Variants in MACROH2A2 observed in about 807,000 individuals in gnomAD.
MACROH2A2 encodes the protein core histone macro-H2A.2.
MACROH2A2 carries 6 observed loss-of-function variants against 37.6 expected under a neutral mutation model. The ratio of observed to expected loss-of-function variants is 0.16; its 90% confidence interval spans 0.09 to 0.32. MACROH2A2 has a LOEUF of 0.32. Among genes scored for constraint, MACROH2A2 ranks in the 10% least tolerant of loss-of-function variants. The pLI is 1.00. For synonymous variants in MACROH2A2, 192 were observed against 202.7 expected (o/e 0.95, Z 0.45); for missense variants, 290 against 485.9 (o/e 0.60, Z 3.79).
intron 2 of MACROH2A2, among the ~76,000 whole-genome samples, chr10:70,088,142 T>TCA (rs141228845): frequency 6.7e-6 from 1 of 149,210 alleles, no homozygotes; most frequent in African/African-American, 2.5e-5. Flanking sequence ...GCCTGCACAC[T>TCA]CACACACACA....
intron 2 of MACROH2A2, among the ~76,000 whole-genome samples, chr10:70,086,860 T>G (rs2072215005): frequency 6.6e-6 from 1 of 152,122 alleles, no homozygotes; most frequent in Admixed American, 6.5e-5. Context: ...CCCTTCACTG[T>G]GCACAATGGA....
intron 8 of MACROH2A2, among the ~76,000 whole-genome samples, chr10:70,109,970 T>C (rs2072360504): frequency 6.6e-6 from 1 of 152,174 alleles, no homozygotes; most frequent in Non-Finnish European, 1.5e-5. Context: ...CTTTATAATA[T>C]AGCTATGGTT....
chr10:70,102,609 T>C (rs2072313173), intron 7 of MACROH2A2, among the ~76,000 whole-genome samples: 1 of 151,724 alleles, frequency 6.6e-6, no homozygotes, highest in Admixed American at 6.6e-5. Context: ...CCCAAGCTAC[T>C]CAGAGGCTGA....
chr10:70,066,935 TTTG>T (rs756642970), intron 1 of MACROH2A2, among the ~76,000 whole-genome samples: 17 of 152,164 alleles, frequency 1.1e-4, no homozygotes, highest in Non-Finnish European at 2.4e-4. Flanking sequence ...GTTTGTGCTT[TTTG>T]TTGGTGATTT....
chr10:70,058,395 T>C (rs2072029591), intron 1 of MACROH2A2, among the ~76,000 whole-genome samples: 2 of 152,220 alleles, frequency 1.3e-5, no homozygotes, highest in Non-Finnish European at 2.9e-5. Flanking sequence ...TTACTCCAAC[T>C]GATTCTGAGA....
chr10:70,087,219 A>G (rs2072217074), intron 2 of MACROH2A2, among the ~76,000 whole-genome samples: 2 of 144,986 alleles, frequency 1.4e-5, no homozygotes, highest in South Asian at 2.2e-4. Flanking sequence ...TTATAATTCC[A>G]TTTTCTTTTC....
intron 1 of MACROH2A2, among the ~76,000 whole-genome samples, chr10:70,056,005 T>C (rs1205495777): frequency 6.6e-6 from 1 of 152,184 alleles, no homozygotes; most frequent in Admixed American, 6.5e-5. Context: ...AGATGTACTA[T>C]TAATGAAAAA....
intron 1 of MACROH2A2, among the ~76,000 whole-genome samples, chr10:70,074,673 A>C (rs2072130376): frequency 6.6e-6 from 1 of 152,078 alleles, no homozygotes; most frequent in South Asian, 2.1e-4. Context: ...AATAAGTCTC[A>C]CGAGATCTGA....
intron 6 of MACROH2A2, among the ~76,000 whole-genome samples, chr10:70,096,283 T>C (rs2072275791): frequency 6.6e-6 from 1 of 152,238 alleles, no homozygotes; most frequent in African/African-American, 2.4e-5. Flanking sequence ...TGCTCTGTAG[T>C]ATTACACTCT....
At chr10:70,076,933 C>T (rs576084425) in intron 2 of MACROH2A2, among the ~76,000 whole-genome samples, 2 of 152,254 alleles carry the variant, frequency 1.3e-5, no homozygotes, top group South Asian at 2.1e-4. Flanking sequence ...CCTTGATCCA[C>T]GGATCCAAGG....
Position 70,093,662 on chromosome 10 carries a change from GAAGAGCTTAATA to G in MACROH2A2, c.478-69_478-58del, listed in dbSNP as rs1229941472. On this transcript the variant is annotated intron_variant, in intron 4 of 8. Transcript: ENST00000373255. ...ATATTCAACTTGGTGGCAGCCGTGA[GAAGAGCTTAATA>G]AAGGCACCTCAGGCTTTTTCTGGAT... 3.9e-6 allele frequency: 3 copies of G among 766,844 alleles called. 1 individual carries two copies. In the Admixed American group the frequency reaches 6.1e-5, roughly 16 times the overall value. The allele number at this position is 766,844 out of a possible 1,614,324, so 47.5% of individuals were successfully genotyped here. A position where few individuals can be genotyped will look rare whatever the true frequency, so the allele number is the denominator to read the frequency against.
intron 2 of MACROH2A2, among the ~76,000 whole-genome samples, chr10:70,086,921 G>A (rs1030404347): frequency 2.0e-5 from 3 of 152,300 alleles, no homozygotes; most frequent in South Asian, 2.1e-4. Context: ...CGGGAACAGC[G>A]GCTCACGCCT....
chr10:70,091,117 C>T (rs2072242333), intron 3 of MACROH2A2, among the ~76,000 whole-genome samples: 1 of 152,238 alleles, frequency 6.6e-6, no homozygotes, highest in Admixed American at 6.5e-5. Flanking sequence ...CTTTGAACAT[C>T]ATTTTCTCAA....
At chr10:70,065,296 C>G (rs757814985) in intron 1 of MACROH2A2, among the ~76,000 whole-genome samples, 1 of 152,050 alleles carries the variant, frequency 6.6e-6, no homozygotes. Context: ...AGGCTGGTCT[C>G]GAACTCCTGA....
chr10:70,076,667 G>A (rs1183751023), intron 2 of MACROH2A2, among the ~76,000 whole-genome samples: 1 of 152,100 alleles, frequency 6.6e-6, no homozygotes, highest in African/African-American at 2.4e-5. Flanking sequence ...TTTGCCCAAG[G>A]TTAACAAATT....
At chr10:70,090,567 C>T (rs1304869513) in intron 3 of MACROH2A2, among the ~76,000 whole-genome samples, 2 of 152,182 alleles carry the variant, frequency 1.3e-5, no homozygotes, top group East Asian at 1.9e-4. Flanking sequence ...CAAAGTCAAG[C>T]GAATACCCCC....
In MACROH2A2 at chr10:70,075,742, G is replaced by A; in HGVS notation, c.84G>A (p.Leu28=). The A allele has an allele frequency of 6.2e-7, 1 of 1,614,120 alleles. No individual in the cohort carries two copies. The highest frequency in any genetic ancestry group is 8.5e-7 in the Non-Finnish European group (1 of 1,179,974). Residue 28 remains leucine, a synonymous_variant, in exon 2 of 9, where the codon CTG becomes CTA. Transcript: ENST00000373255. This position sits in a 1 kb window ranked among gnomAD's most constrained non-coding sequence, Gnocchi z 5.0. ...GTGTCATCTTTCCAGTGGGGAGGCT[G>A]ATGCGTTATCTGAAGAAAGGGACGT... The part of the protein sequence containing the change: ...RAGVIFPVGR[L]MRYLKKGTFK...
chr10:70,066,941 G>C (rs115051618), intron 1 of MACROH2A2, among the ~76,000 whole-genome samples: 1 of 152,006 alleles, frequency 6.6e-6, no homozygotes, highest in African/African-American at 2.4e-5. Flanking sequence ...GCTTTTTGTT[G>C]GTGATTTTGC....
Position 70,107,799 on chromosome 10 carries a change from T to C in MACROH2A2, c.779-1234T>C, listed in dbSNP as rs929514626. On this transcript the variant is annotated intron_variant, in intron 7 of 8. Coordinates refer to ENST00000373255, the MANE Select transcript of MACROH2A2 (RefSeq NM_018649.3). The surrounding 1 kb of genome is among the most constrained non-coding windows in gnomAD (Gnocchi z 4.4). ...CAAGGAACTACACAATCAAGTTCAG[T>C]GGTTCTCAACTCATAGAAGGTCCTA... 6.6e-6 allele frequency among the ~76,000 whole-genome samples: 1 copy of C among 152,176 alleles called. No individual in the cohort carries two copies. The highest frequency in any genetic ancestry group is 1.5e-5 in the Non-Finnish European group (1 of 68,034).
Sources: allele counts gnomAD v4.1 joint callset (sites outside exome capture counted in the v4.1 genomes callset), GRCh38; gene constraint gnomAD v4.1.1; non-coding constraint Gnocchi (gnomAD v3.1); transcripts MANE v1.5; gene names NCBI Gene and HGNC (gene_info 2026-07-23, HGNC 2026-07-21).